Variants in JAK1 observed in about 807,000 individuals in gnomAD.
JAK1 encodes the protein Janus kinase 1, also known as tyrosine-protein kinase JAK1.
A neutral mutation model predicts 136.6 loss-of-function variants in JAK1; 16 were observed. That is an observed-to-expected ratio of 0.12 (90% CI 0.08 to 0.18). The LOEUF is 0.18. Among genes scored for constraint, JAK1 ranks in the 10% least tolerant of loss-of-function variants. The pLI is 1.00. For synonymous variants in JAK1, 492 were observed against 519.5 expected (o/e 0.95, Z 0.72); for missense variants, 859 against 1,450.1 (o/e 0.59, Z 6.62).
At chr1:65,043,602 T>A (rs979598664) in intron 2 of JAK1, among the ~76,000 whole-genome samples, 2 of 151,938 alleles carry the variant, frequency 1.3e-5, no homozygotes, top group African/African-American at 4.8e-5. Flanking sequence ...GGCATAATCT[T>A]GGCTCACTGC....
At chr1:64,971,538 T>A (rs1360048637), upstream of JAK1, among the ~76,000 whole-genome samples, 1 of 151,508 alleles carries the variant, frequency 6.6e-6, no homozygotes, top group Non-Finnish European at 1.5e-5. Context: ...GGTTTCATCA[T>A]GTTGCCCAGG....
intron 2 of JAK1, among the ~76,000 whole-genome samples, chr1:65,008,354 A>G (rs1215876615): frequency 3.3e-5 from 5 of 152,236 alleles, no homozygotes; most frequent in Non-Finnish European, 7.3e-5. Context: ...AAAAGTACTA[A>G]GAGATTAAAT....
rs372931436 is a variant in JAK1, at chr1:64,915,064, T to C, written c.-77-28723A>G. ...AGTCAATTATTTTACCTGCCTCTCT[T>C]CACTATAAAATGAGAATAACCACAT... On this transcript the variant is annotated intron_variant, in intron 1 of 24. Transcript: ENST00000342505. Among the ~76,000 whole-genome samples the C allele has an allele frequency of 1.0e-3, 157 of 152,264 alleles. 1 individual carries two copies. In the South Asian group the frequency reaches 0.031, roughly 31 times the overall value.
chr1:64,886,349 CA>C lies in JAK1; in HGVS notation c.-77-9del. The C allele has an allele frequency of 6.8e-7, 1 of 1,474,450 alleles. No homozygotes were observed. The highest frequency in any genetic ancestry group is 1.4e-5 in the South Asian group (1 of 72,894). 91.3% of individuals were successfully genotyped at this position (1,474,450 alleles called of 1,614,324 possible). On this transcript the variant is annotated splice_polypyrimidine_tract_variant and intron_variant, in intron 1 of 24. Coordinates refer to ENST00000342505, the MANE Select transcript of JAK1 (RefSeq NM_002227.4). ...AGCTACTTCAGAGAAGCGCTAAAGACAAAAATAAATAAATAAATCAGTGGCA... is the reference window on the plus strand; with the variant it reads ...AGCTACTTCAGAGAAGCGCTAAAGACAAAATAAATAAATAAATCAGTGGCA...
intron 8 of JAK1, among the ~76,000 whole-genome samples, 157 bp from the exon 9 acceptor site, chr1:64,860,419 CATTT>C (rs3051564): frequency 0.14 from 10,142 of 73,344 alleles, 416 homozygotes; most frequent in African/African-American, 0.19. Flanking sequence ...CCCTTGCATG[CATTT>C]ATTTATTTAT....
At chr1:65,042,407 AACACACAC>A (rs72477165) in intron 2 of JAK1, among the ~76,000 whole-genome samples, 20,514 of 147,930 alleles carry the variant, frequency 0.14, 1,598 homozygotes, top group African/African-American at 0.22. Context: ...ACTCTTATTT[AACACACAC>A]ACACACACAC....
chr1:64,853,135 G>A (rs1313228021), intron 11 of JAK1, among the ~76,000 whole-genome samples: 1 of 152,218 alleles, frequency 6.6e-6, no homozygotes, highest in East Asian at 1.9e-4. Context: ...CAGAGGAGCT[G>A]AAGAACCCAA....
intron 1 of JAK1, among the ~76,000 whole-genome samples, chr1:64,934,554 G>C (rs1645755381): frequency 6.6e-6 from 1 of 152,206 alleles, no homozygotes; most frequent in South Asian, 2.1e-4. Context: ...GAGAAGCTCG[G>C]GTTGTGGACC....
intron 2 of JAK1, chr1:65,023,121 G>A (rs2100796589): frequency 6.6e-6 from 1 of 151,990 alleles, no homozygotes; most frequent in Non-Finnish European, 1.5e-5. Context: ...TTAAATTTTA[G>A]AGGTAGGGTC....
At chr1:64,932,387 T>C (rs1569594008) in intron 1 of JAK1, among the ~76,000 whole-genome samples, 1 of 152,106 alleles carries the variant, frequency 6.6e-6, no homozygotes, top group East Asian at 1.9e-4. Context: ...TACTACAGCC[T>C]GGCGACAGAG....
At chr1:64,867,731 C>T (rs1389622150) in intron 6 of JAK1, among the ~76,000 whole-genome samples, 3 of 152,190 alleles carry the variant, frequency 2.0e-5, no homozygotes, top group African/African-American at 7.2e-5. Context: ...TGGCTCACGC[C>T]TGTAATCCCA....
At chr1:64,968,286 G>T (rs1215040190), upstream of JAK1, among the ~76,000 whole-genome samples, 2 of 151,650 alleles carry the variant, frequency 1.3e-5, no homozygotes, top group African/African-American at 4.9e-5. Context: ...AGGTGATGAA[G>T]ATTCAGAGAA....
intron 2 of JAK1, among the ~76,000 whole-genome samples, chr1:65,026,398 A>C (rs762799297): frequency 1.3e-4 from 20 of 152,028 alleles, no homozygotes; most frequent in Non-Finnish European, 8.8e-5. Context: ...ACAGTTGGAG[A>C]TCTAGAAAAT....
Position 64,946,578 on chromosome 1 carries a change from G to A in JAK1, c.-78+19755C>T, listed in dbSNP as rs570198940. On this transcript the variant is annotated intron_variant, in intron 1 of 24. Coordinates refer to ENST00000342505, the MANE Select transcript of JAK1 (RefSeq NM_002227.4). ...TCTTTGTTTTCTAGATTTTGAGAAGGTGTTTGTTGAATAAAGCAAACATTT... is the reference window on the plus strand; with the variant it reads ...TCTTTGTTTTCTAGATTTTGAGAAGATGTTTGTTGAATAAAGCAAACATTT... Among the ~76,000 whole-genome samples, 17 of 152,264 alleles carry A rather than the reference G, an allele frequency of 1.1e-4. No individual in the cohort carries two copies. The South Asian group carries it at 2.1e-3, about 19-fold the overall frequency.
intron 1 of JAK1, among the ~76,000 whole-genome samples, chr1:64,943,494 GA>G (rs1645926843): frequency 6.6e-6 from 1 of 152,160 alleles, no homozygotes; most frequent in Non-Finnish European, 1.5e-5. Context: ...GGGAGATGAT[GA>G]TTTTTTGTGG....
At chr1:64,867,336 G>A (rs1656769066) in intron 6 of JAK1, 128 bp from the exon 7 acceptor site, 5 of 640,814 alleles carry the variant, frequency 7.8e-6, no homozygotes, top group Non-Finnish European at 8.0e-6. Context: ...CCCAGAGGAC[G>A]TTAGATGGAG....
intron 2 of JAK1, 73 bp from the exon 3 acceptor site, chr1:64,883,548 C>G: frequency 1.5e-6 from 2 of 1,329,494 alleles, no homozygotes; most frequent in Non-Finnish European, 2.1e-6. Context: ...AGGGAGTGTT[C>G]TGAAGGTAAA....
chr1:65,060,642 T>C (rs1647753438), intron 1 of JAK1, among the ~76,000 whole-genome samples: 1 of 152,178 alleles, frequency 6.6e-6, no homozygotes, highest in South Asian at 2.1e-4. Flanking sequence ...GCATCCCTAA[T>C]AACAAGCAGC....
At chr1:65,014,687 CTT>C (rs766477302) in intron 2 of JAK1, among the ~76,000 whole-genome samples, 22 of 142,648 alleles carry the variant, frequency 1.5e-4, no homozygotes, top group Non-Finnish European at 1.1e-4. Context: ...TTATTCTATT[CTT>C]TTTTTTTTTT....
Sources: gnomAD v4.1 joint callset for allele counts (sites outside exome capture counted in the v4.1 genomes callset) on GRCh38, gnomAD v4.1.1 for gene constraint, MANE v1.5 for transcripts, NCBI Gene and HGNC (gene_info 2026-07-23, HGNC 2026-07-21) for gene names.